Variants in SYNE1 observed in about 807,000 individuals in gnomAD.
SYNE1 encodes the protein nesprin-1.
A neutral mutation model predicts 1,111.0 loss-of-function variants in SYNE1; 616 were observed. That is an observed-to-expected ratio of 0.55 (90% confidence interval 0.52 to 0.59). SYNE1 has a LOEUF of 0.59. SYNE1 is among the 20% of genes least tolerant of loss of function. The pLI, the probability that SYNE1 is intolerant of heterozygous loss-of-function variation, is 0.00. For missense variants in SYNE1, 10,006 were observed against 10,417.0 expected, an observed-to-expected ratio of 0.96 and a Z score of 1.72; for synonymous variants, 3,855 against 3,825.8, an observed-to-expected ratio of 1.01 and a Z score of -0.28.
Position 152,308,626 on chromosome 6 carries a change from C to T in SYNE1, c.17209G>A (p.Val5737Met), listed in dbSNP as rs1292736160. 3.2e-6 allele frequency: 5 copies of T among 1,567,370 alleles called. No individual in the cohort carries two copies. The highest frequency in any genetic ancestry group is 3.4e-4 in the Middle Eastern group (2 of 5,888). ...IQQCNIMQEA[V>M]VQYEQYEQEM... ...TGCTCATATTGTTCATATTGTACCA[C>T]AGCTTCCTTTGAAAAAAAAAAAAAA... The change falls in exon 91 of 146, where the codon GTG (valine) becomes ATG (methionine). Residue 5737 changes from valine to methionine, a missense_variant. Physicochemically the swap from Val to Met is conservative, Grantham distance 21 (BLOSUM62 1). Around this residue, in one of 7 missense-constraint regions of SYNE1, gnomAD observed 4,955 missense variants for 5,017.2 expected, o/e 0.99. Coordinates refer to ENST00000367255, the MANE Select transcript of SYNE1 (RefSeq NM_182961.4).
intron 3 of SYNE1, among the ~76,000 whole-genome samples, chr6:152,577,937 C>T (rs1437444952): frequency 1.3e-5 from 2 of 152,160 alleles, no homozygotes; most frequent in Admixed American, 6.5e-5. Flanking sequence ...GAATAACAAA[C>T]TCCACATCTT....
At chr6:152,308,732 T>C in intron 90 of SYNE1, 100 bp from the exon 91 acceptor site, 1 of 1,311,166 alleles carries the variant, frequency 7.6e-7, no homozygotes, top group South Asian at 1.4e-5. Flanking sequence ...CCTGTACAGG[T>C]AGGGAATAAA....
intron 24 of SYNE1, 152 bp downstream of exon 24, chr6:152,455,274 T>C (rs2098687801): frequency 2.7e-6 from 2 of 727,554 alleles, no homozygotes; most frequent in Non-Finnish European, 4.4e-6. Context: ...TTGCTCACCA[T>C]ATCTTTGGGT....
Position 152,435,886 on chromosome 6 carries a change from G to C in SYNE1, c.4310+55C>G, listed in dbSNP as rs543588997. ...TGTTTTGAATACAAGGTACAGGAAA[G>C]ATTGTATGAAACTTTATCTCAGAGA... On this transcript the variant is annotated intron_variant, in intron 33 of 145. Transcript: ENST00000367255. 5.9e-5 allele frequency: 94 copies of C among 1,596,794 alleles called. No homozygotes were observed. The East Asian group carries it at 2.0e-3, about 33-fold the overall frequency.
chr6:152,316,980 A>T lies in SYNE1; in HGVS notation c.16579T>A (p.Ser5527Thr). 1 of 1,613,958 alleles carries T rather than the reference A, an allele frequency of 6.2e-7. No individual in the cohort carries two copies. Among genetic ancestry groups the T allele is most frequent in the Non-Finnish European group, 8.5e-7 (1 of 1,180,006 alleles). The stretch of plus-strand genomic sequence containing the variant: ...ATTTCATTGTATTCTTCTAAATGTG[A>T]TGCTGCCTGAAAAACCAGTAACATT... ...NRLSKLNQAA[S>T]HLEEYNEMLE... is the part of the protein sequence containing the mutation. The change falls in exon 87 of 146, where the codon TCA becomes ACA. Residue 5527 changes from serine (S) to threonine (T), a missense_variant. Ser to Thr is a moderately conservative substitution (Grantham distance 58). Transcript: ENST00000367255.
At position 152,422,307 on chromosome 6, in the gene SYNE1, T is replaced by A. The variant is rs528965225; in HGVS notation, c.5268-2585A>T. Among the ~76,000 whole-genome samples the A allele has an allele frequency of 3.3e-5, 5 of 152,298 alleles. No individual in the cohort carries two copies. The East Asian group carries it at 9.7e-4, about 29-fold the overall frequency. On this transcript the variant is annotated intron_variant, in intron 39 of 145. Coordinates refer to ENST00000367255, the MANE Select transcript of SYNE1 (RefSeq NM_182961.4). ...CTTATTAAAGATCTGTTTGCCTGCA[T>A]CATATGTAGAGGCCCAGCCCATTTG...
Position 152,377,585 on chromosome 6 carries a change from GGGGACAGAAC to G in SYNE1, c.9010-683_9010-674del, listed in dbSNP as rs1591466372. Among the ~76,000 whole-genome samples the G allele has an allele frequency of 3.2e-5, 4 of 123,124 alleles. 1 individual carries two copies. The allele number at this position is 123,124 out of a possible 152,430, so 80.8% of individuals were successfully genotyped here. A position where few individuals can be genotyped will look rare whatever the true frequency, so the allele number is the denominator to read the frequency against. ...GATCGTGCCATTGCACTCCAGCCTG[GGGGACAGAAC>G]GAAACTCCGTCTTAAAAAAAAAAAA... On this transcript the variant is annotated intron_variant, in intron 56 of 145. Transcript: ENST00000367255.
chr6:152,312,397 C>T (rs1007709927), intron 87 of SYNE1, among the ~76,000 whole-genome samples: 4 of 150,690 alleles, frequency 2.7e-5, no homozygotes, highest in Non-Finnish European at 3.0e-5. Context: ...TTAGTAGAGA[C>T]GGGGTTTCTC....
rs1448499195 is a variant in SYNE1, at chr6:152,244,636, A to G, written c.19593T>C (p.Asp6531=). The change falls in exon 106 of 146, where the codon GAT becomes GAC. Residue 6531 remains aspartate (D), a synonymous_variant. Coordinates refer to ENST00000367255, the MANE Select transcript of SYNE1 (RefSeq NM_182961.4). ...TTCCTGCATCAAATTCTTTGAGTCC[A>G]TCTTCAGCCTGTTGTATTGCCTAAG... ...EQIEAIQQAE[D]GLKEFDAGII... is the part of the protein sequence containing the mutation. 1 of 1,613,884 alleles carries G rather than the reference A, an allele frequency of 6.2e-7. No individual in the cohort carries two copies. The highest frequency in any genetic ancestry group is 1.3e-5 in the African/African-American group (1 of 74,910).
intron 3 of SYNE1, among the ~76,000 whole-genome samples, chr6:152,559,336 A>G (rs2099386922): frequency 1.3e-5 from 2 of 152,120 alleles, no homozygotes; most frequent in Non-Finnish European, 2.9e-5. Context: ...CCTTACCTCA[A>G]GCAATCCTCC....
chr6:152,380,938 A>G, intron 56 of SYNE1, 68 bp downstream of exon 56: 1 of 1,488,628 alleles, frequency 6.7e-7, no homozygotes, highest in Non-Finnish European at 9.4e-7. Flanking sequence ...TTTTTTTTTT[A>G]AGGAATGATG....
chr6:152,385,616 C>CAA, intron 55 of SYNE1, 58 bp downstream of exon 55: 2 of 1,590,528 alleles, frequency 1.3e-6, no homozygotes, highest in Non-Finnish European at 1.7e-6. Context: ...AAATCTTTAT[C>CAA]AAAAGTACTC....
At chr6:152,609,713 C>T (rs1323046419) in intron 3 of SYNE1, among the ~76,000 whole-genome samples, 1 of 152,290 alleles carries the variant, frequency 6.6e-6, no homozygotes, top group East Asian at 1.9e-4. Flanking sequence ...GGATACACCT[C>T]CCAGTAGGGG....
chr6:152,377,631 AAAAAAAAAAATATATAT>A (rs2097311265), intron 56 of SYNE1, among the ~76,000 whole-genome samples: 2 of 96,828 alleles, frequency 2.1e-5, no homozygotes, highest in African/African-American at 9.7e-5. Context: ...AAAAAAAAAA[AAAAAAAAAAATATATAT>A]ATATATATAT....
chr6:152,555,634 T>A (rs1482543081), intron 3 of SYNE1, among the ~76,000 whole-genome samples: 1 of 152,174 alleles, frequency 6.6e-6, no homozygotes, highest in Non-Finnish European at 1.5e-5. Flanking sequence ...GTATATTATT[T>A]CACTGAAACC....
chr6:152,318,093 G>C lies in SYNE1; in HGVS notation c.16560C>G (p.Ser5520=), dbSNP rs1389675919. 1.9e-6 allele frequency: 3 copies of C among 1,614,192 alleles called. No individual in the cohort carries two copies. The East Asian group carries it at 6.7e-5, about 36-fold the overall frequency. ...QTIRQAENRL[S]KLNQAASHLE... ...CCGGAACACATACCTGATTGAGCTT[G>C]GAGAGCCGATTCTCAGCTTGTCTAA... is the stretch of plus-strand genomic sequence containing the variant. The change falls in exon 86 of 146, where the codon TCC becomes TCG. Residue 5520 remains serine (S), a synonymous_variant. Transcript: ENST00000367255.
At chr6:152,590,783 T>C (rs1443402538) in intron 3 of SYNE1, among the ~76,000 whole-genome samples, 1 of 152,220 alleles carries the variant, frequency 6.6e-6, no homozygotes, top group Non-Finnish European at 1.5e-5. Flanking sequence ...CACTTTTCCT[T>C]TGAAACTCGT....
At chr6:152,444,185 A>G (rs561369307) in intron 30 of SYNE1, among the ~76,000 whole-genome samples, 1 of 152,326 alleles carries the variant, frequency 6.6e-6, no homozygotes, top group African/African-American at 2.4e-5. Flanking sequence ...TGATGTCATC[A>G]AGTCACTCGG....
At chr6:152,521,525 C>A (rs78071085) in intron 5 of SYNE1, among the ~76,000 whole-genome samples, 51 of 152,236 alleles carry the variant, frequency 3.4e-4, no homozygotes, top group African/African-American at 1.2e-3. Context: ...TTGACAGATA[C>A]CTTAAACATA....
Sources: allele counts gnomAD v4.1 joint callset (sites outside exome capture counted in the v4.1 genomes callset), GRCh38; gene constraint gnomAD v4.1.1; regional missense constraint gnomAD v4.1.1; transcripts MANE v1.5; gene names NCBI Gene and HGNC (gene_info 2026-07-23, HGNC 2026-07-21).